Variants in CAMK1D observed in about 807,000 individuals in gnomAD.
CAMK1D encodes calcium/calmodulin dependent protein kinase ID, also known as calcium/calmodulin-dependent protein kinase type 1D.
A neutral mutation model predicts 47.7 loss-of-function variants in CAMK1D; 9 were observed. The ratio of observed to expected loss-of-function variants is 0.19; its 90% confidence interval spans 0.11 to 0.33. The LOEUF (loss-of-function observed/expected upper bound fraction) is 0.33, where lower values mean the gene tolerates loss of function less well. CAMK1D is among the 10% of genes least tolerant of loss of function. CAMK1D has a pLI of 1.00. For synonymous variants in CAMK1D, 184 were observed against 184.9 expected (o/e 0.99, Z 0.04); for missense variants, 291 against 488.7 (o/e 0.60, Z 3.81).
intron 2 of CAMK1D, among the ~76,000 whole-genome samples, chr10:12,623,890 T>C (rs10795972): frequency 0.89 from 135,968 of 152,028 alleles, 61,984 homozygotes; most frequent in Non-Finnish European, 0.99. Flanking sequence ...ACCAGCCTGG[T>C]CAACATGGTG....
intron 3 of CAMK1D, among the ~76,000 whole-genome samples, chr10:12,754,517 T>C (rs999422179): frequency 2.6e-5 from 4 of 152,234 alleles, no homozygotes; most frequent in African/African-American, 9.6e-5. Flanking sequence ...AGAGAATGTA[T>C]ATTCAAAGAC....
intron 1 of CAMK1D, among the ~76,000 whole-genome samples, chr10:12,387,280 G>A (rs1223723883): frequency 1.4e-5 from 2 of 144,666 alleles, no homozygotes; most frequent in Admixed American, 1.4e-4. Flanking sequence ...CAGCCTTCAC[G>A]CTTTGACACT....
At chr10:12,453,945 T>G (rs1281081517) in intron 1 of CAMK1D, among the ~76,000 whole-genome samples, 1 of 152,180 alleles carries the variant, frequency 6.6e-6, no homozygotes, top group Non-Finnish European at 1.5e-5. Flanking sequence ...GTATCCTCTC[T>G]CTGTACAAGT....
At chr10:12,685,409 A>G (rs1588787405) in intron 3 of CAMK1D, among the ~76,000 whole-genome samples, 1 of 152,244 alleles carries the variant, frequency 6.6e-6, no homozygotes. Context: ...CACCAGATAT[A>G]TCTGAGTTTC....
At chr10:12,701,139 A>G (rs1337266861) in intron 3 of CAMK1D, among the ~76,000 whole-genome samples, 1 of 149,074 alleles carries the variant, frequency 6.7e-6, no homozygotes, top group East Asian at 2.0e-4. Flanking sequence ...TTGAGATGGA[A>G]TTTACTCTTG....
chr10:12,531,278 C>T (rs951453773), intron 1 of CAMK1D, among the ~76,000 whole-genome samples: 9 of 152,108 alleles, frequency 5.9e-5, no homozygotes, highest in South Asian at 2.1e-4. Context: ...TTCAGAAATA[C>T]GTAGTATATA....
At chr10:12,383,069 C>G (rs995847637) in intron 1 of CAMK1D, among the ~76,000 whole-genome samples, 2 of 152,060 alleles carry the variant, frequency 1.3e-5, no homozygotes, top group African/African-American at 4.8e-5. Context: ...GCACTTCTCT[C>G]TATGTATTCT....
At chr10:12,557,608 A>G (rs1836806961) in intron 2 of CAMK1D, among the ~76,000 whole-genome samples, 1 of 152,030 alleles carries the variant, frequency 6.6e-6, no homozygotes, top group Non-Finnish European at 1.5e-5. Context: ...TTTCATGACT[A>G]AGTCATTGTA....
chr10:12,349,550 A>C lies in CAMK1D; in HGVS notation c.-269A>C, dbSNP rs1289798234. 1 of 154,644 alleles carries C rather than the reference A, an allele frequency of 6.5e-6. No homozygotes were observed. Among genetic ancestry groups the C allele is most frequent in the African/African-American group, 2.4e-5 (1 of 41,064 alleles). 9.6% of individuals were successfully genotyped at this position (154,644 alleles called of 1,614,324 possible). A position where few individuals can be genotyped will look rare whatever the true frequency, so the allele number is the denominator to read the frequency against. The stretch of plus-strand genomic sequence containing the variant: ...GGGAGCGGGAGGGAGGCAAGAAAGT[A>C]GCAGAAAGTGAGGCTGGCAGGCGGC... On this transcript the variant is annotated 5_prime_UTR_variant, in exon 1 of 11. Transcript: ENST00000619168.
intron 1 of CAMK1D, among the ~76,000 whole-genome samples, chr10:12,509,501 C>G (rs1202168913): frequency 6.6e-6 from 1 of 152,236 alleles, no homozygotes; most frequent in East Asian, 1.9e-4. Context: ...AACCCAAGCA[C>G]TTTGGGAGGC....
intron 8 of CAMK1D, among the ~76,000 whole-genome samples, chr10:12,817,410 G>A (rs1268147313): frequency 1.3e-5 from 2 of 152,124 alleles, no homozygotes; most frequent in Non-Finnish European, 2.9e-5. Context: ...ACTCGAGAGG[G>A]ACTAATTGAG....
intron 3 of CAMK1D, among the ~76,000 whole-genome samples, chr10:12,698,246 T>C (rs1192206446): frequency 1.3e-5 from 2 of 152,208 alleles, no homozygotes; most frequent in Non-Finnish European, 2.9e-5. Flanking sequence ...AATTTAAAAA[T>C]AGCCTCATCC....
At chr10:12,629,767 G>A (rs1000959124) in intron 2 of CAMK1D, among the ~76,000 whole-genome samples, 6 of 152,138 alleles carry the variant, frequency 3.9e-5, no homozygotes, top group Non-Finnish European at 4.4e-5. Flanking sequence ...TTGTTTCCTC[G>A]TAGCATCCTC....
chr10:12,630,835 CTTGTAAAATG>C (rs1839359833), intron 2 of CAMK1D, among the ~76,000 whole-genome samples: 1 of 152,154 alleles, frequency 6.6e-6, no homozygotes, highest in Non-Finnish European at 1.5e-5. Flanking sequence ...AATGTAGCAA[CTTGTAAAATG>C]CCATTTTTAG....
At chr10:12,663,098 T>TGA (rs1554805993) in intron 2 of CAMK1D, among the ~76,000 whole-genome samples, 5 of 152,280 alleles carry the variant, frequency 3.3e-5, no homozygotes, top group East Asian at 3.9e-4. Flanking sequence ...GTAGCTGGGA[T>TGA]TACAGGCACA....
chr10:12,582,886 G>A (rs1837703476), intron 2 of CAMK1D, among the ~76,000 whole-genome samples: 1 of 152,188 alleles, frequency 6.6e-6, no homozygotes, highest in South Asian at 2.1e-4. Flanking sequence ...GGCTGAGCTA[G>A]GATCAGCACA....
rs765962732 is a variant in CAMK1D at position 12,553,297 on chromosome 10, T to C, written c.165T>C (p.Pro55=). 6.2e-7 allele frequency: 1 copy of C among 1,614,146 alleles called. No individual in the cohort carries two copies. The highest frequency in any genetic ancestry group is 1.7e-5 in the Admixed American group (1 of 60,024). Residue 55 remains proline, a synonymous_variant, in exon 2 of 11, where the codon CCT becomes CCC. Coordinates refer to ENST00000619168, the MANE Select transcript of CAMK1D (RefSeq NM_153498.4). ...TGKLFAVKCI[P]KKALKGKESS... ...AGCTCTTTGCTGTGAAGTGTATCCCTAAGAAGGCGCTGAAGGGCAAGGAAA... is the reference window on the plus strand; with the variant it reads ...AGCTCTTTGCTGTGAAGTGTATCCCCAAGAAGGCGCTGAAGGGCAAGGAAA...
chr10:12,804,056 G>A (rs1406664765), intron 6 of CAMK1D, among the ~76,000 whole-genome samples: 1 of 152,152 alleles, frequency 6.6e-6, no homozygotes, highest in Non-Finnish European at 1.5e-5. Context: ...CATATTTGTT[G>A]AAGTTTCCTT....
At chr10:12,372,779 C>T (rs68169836) in intron 1 of CAMK1D, among the ~76,000 whole-genome samples, 49,856 of 148,978 alleles carry the variant, frequency 0.33, 8,294 homozygotes, top group Middle Eastern at 0.4. Flanking sequence ...CAGGCACATG[C>T]CACCAGGCTC....
Sources: gnomAD v4.1 joint callset for allele counts (sites outside exome capture counted in the v4.1 genomes callset) on GRCh38, gnomAD v4.1.1 for gene constraint, MANE v1.5 for transcripts, NCBI Gene and HGNC (gene_info 2026-07-23, HGNC 2026-07-21) for gene names.